DCC: variants seen among roughly 807,000 people sequenced by gnomAD.
The protein encoded by DCC is DCC netrin 1 receptor.
DCC carries 58 observed loss-of-function variants against 172.5 expected under a neutral mutation model. That is an observed-to-expected ratio of 0.34 (90% CI 0.27 to 0.42). DCC has a LOEUF of 0.42. Among genes scored for constraint, DCC ranks in the 10% least tolerant of loss-of-function variants. The pLI is 1.00. For missense variants in DCC, 1,740 were observed against 1,791.0 expected (o/e 0.97, Z 0.51); for synonymous variants, 709 against 644.5 (o/e 1.10, Z -1.52).
At chr18:52,883,977 A>G (rs370721974) in intron 2 of DCC, among the ~76,000 whole-genome samples, 1 of 151,560 alleles carries the variant, frequency 6.6e-6, no homozygotes, top group East Asian at 1.9e-4. Context: ...TGGATATATC[A>G]TTCTAGGGTA....
chr18:52,464,235 T>A (rs1231160939), intron 1 of DCC, among the ~76,000 whole-genome samples: 1 of 152,182 alleles, frequency 6.6e-6, no homozygotes, highest in Non-Finnish European at 1.5e-5. Context: ...AACACTTTCT[T>A]ATATATACTC....
chr18:52,623,562 T>G (rs1598965074), intron 1 of DCC, among the ~76,000 whole-genome samples: 1 of 152,330 alleles, frequency 6.6e-6, no homozygotes, highest in East Asian at 1.9e-4. Context: ...CAACCATGTT[T>G]TCTTACGTGG....
At chr18:52,355,518 T>A (rs1433260500) in intron 1 of DCC, among the ~76,000 whole-genome samples, 2 of 152,236 alleles carry the variant, frequency 1.3e-5, no homozygotes, top group Admixed American at 1.3e-4. Flanking sequence ...TTGAAAAACA[T>A]TACACTCAAG....
intron 7 of DCC, among the ~76,000 whole-genome samples, chr18:53,078,121 C>T (rs2042747288): frequency 6.6e-6 from 1 of 152,022 alleles, no homozygotes; most frequent in Admixed American, 6.6e-5. Flanking sequence ...ATCGAGTACC[C>T]AGAAATATAT....
chr18:53,147,966 C>T (rs1438015424), intron 7 of DCC, among the ~76,000 whole-genome samples: 1 of 152,096 alleles, frequency 6.6e-6, no homozygotes, highest in Non-Finnish European at 1.5e-5. Flanking sequence ...GTAGCTTAAA[C>T]CTTTAGTTCT....
intron 1 of DCC, among the ~76,000 whole-genome samples, chr18:52,654,605 A>G (rs2035209657): frequency 6.6e-6 from 1 of 152,150 alleles, no homozygotes; most frequent in Admixed American, 6.6e-5. Context: ...CTTCTTCTAA[A>G]GACACTGGAA....
chr18:52,642,911 C>T (rs927303469), intron 1 of DCC, among the ~76,000 whole-genome samples: 4 of 152,136 alleles, frequency 2.6e-5, no homozygotes, highest in Non-Finnish European at 4.4e-5. Context: ...CCTTGGTCTC[C>T]CAAAGTGCTG....
rs1202822918 is a variant in DCC, at chr18:52,824,203, GT to G, written c.412+71836del. Among the ~76,000 whole-genome samples the G allele has an allele frequency of 3.9e-5, 6 of 152,216 alleles. No individual in the cohort carries two copies. The East Asian group carries it at 1.2e-3, about 29-fold the overall frequency. ...GGTTTTCAATAAAGGGGAAAGTGATGTTTTTTTCTTCAACTTAGTTCCAGTA... is the reference window on the plus strand; with the variant it reads ...GGTTTTCAATAAAGGGGAAAGTGATGTTTTTTCTTCAACTTAGTTCCAGTA... On this transcript the variant is annotated intron_variant, in intron 2 of 28. Transcript: ENST00000442544.
rs536591103 is a variant in DCC at position 52,947,531 on chromosome 18, AACTG to A, written c.985+22164_985+22167del. ...ATGTTTCTATAAACTTTTTCAATGT[AACTG>A]ACCTCATTACACTCTGCGAAGGTGT... On this transcript the variant is annotated intron_variant, in intron 5 of 28. Coordinates refer to ENST00000442544, the MANE Select transcript of DCC (RefSeq NM_005215.4). 7.3e-4 allele frequency among the ~76,000 whole-genome samples: 111 copies of A among 152,364 alleles called. 1 individual carries two copies. The highest frequency in any genetic ancestry group is 2.5e-3 in the African/African-American group (104 of 41,592).
intron 15 of DCC, among the ~76,000 whole-genome samples, chr18:53,351,369 GTATATATATATACAGTA>G (rs2057800895): frequency 3.1e-5 from 1 of 32,382 alleles, no homozygotes; most frequent in Admixed American, 4.5e-4. Context: ...TATATATACT[GTATATATATATACAGTA>G]TATATATATA....
intron 1 of DCC, among the ~76,000 whole-genome samples, chr18:52,650,028 G>A (rs915731604): frequency 2.8e-5 from 4 of 144,106 alleles, no homozygotes; most frequent in African/African-American, 1.0e-4. Context: ...GCCCAGGCTG[G>A]AGTGCAATGG....
intron 1 of DCC, among the ~76,000 whole-genome samples, chr18:52,497,250 G>T (rs1325398507): frequency 7.2e-5 from 6 of 83,184 alleles, no homozygotes; most frequent in African/African-American, 2.8e-4. Flanking sequence ...AACAGAGTGA[G>T]ACCCTGTATC....
intron 15 of DCC, among the ~76,000 whole-genome samples, chr18:53,382,779 GC>G (rs1259390583): frequency 2.0e-5 from 3 of 151,990 alleles, no homozygotes; most frequent in Admixed American, 6.6e-5. Flanking sequence ...CTGAATAGAA[GC>G]CCTTTGACTA....
chr18:52,722,243 T>A (rs1239667421), intron 1 of DCC, among the ~76,000 whole-genome samples: 4 of 152,124 alleles, frequency 2.6e-5, no homozygotes, highest in Admixed American at 2.6e-4. Context: ...ATTAGGGAAT[T>A]GTGCTCTATA....
At chr18:53,173,254 C>A (rs2055040096) in intron 8 of DCC, among the ~76,000 whole-genome samples, 3 of 152,112 alleles carry the variant, frequency 2.0e-5, no homozygotes, top group African/African-American at 2.4e-5. Flanking sequence ...CTCATCCAGA[C>A]CCCTACTCTC....
intron 1 of DCC, among the ~76,000 whole-genome samples, chr18:52,416,992 A>AT (rs1367523002): frequency 1.8e-4 from 28 of 151,998 alleles, no homozygotes; most frequent in Non-Finnish European, 3.1e-4. Context: ...ATTTGGCATG[A>AT]TTTTGCAGTG....
At position 53,396,375 on chromosome 18, in the gene DCC, G is replaced by A. The variant is rs532979457; in HGVS notation, c.2689-933G>A. 3.9e-5 allele frequency among the ~76,000 whole-genome samples: 6 copies of A among 151,938 alleles called. No individual in the cohort carries two copies. In the East Asian group the frequency reaches 5.8e-4, roughly 15 times the overall value. Reference sequence around the variant, plus strand: ...GCATCATGTTTTTTCTTTATTACCCGTTTTGGTATTTTGAGTAAGCAATAA... The same window carrying A: ...GCATCATGTTTTTTCTTTATTACCCATTTTGGTATTTTGAGTAAGCAATAA... On this transcript the variant is annotated intron_variant, in intron 17 of 28. Transcript: ENST00000442544.
At chr18:53,289,566 C>A (rs2056976888) in intron 12 of DCC, among the ~76,000 whole-genome samples, 1 of 152,012 alleles carries the variant, frequency 6.6e-6, no homozygotes, top group Non-Finnish European at 1.5e-5. Context: ...TGTTTCAGCA[C>A]CATGCCTGGA....
chr18:52,378,236 A>G (rs1033729441), intron 1 of DCC, among the ~76,000 whole-genome samples: 9 of 152,118 alleles, frequency 5.9e-5, no homozygotes, highest in African/African-American at 2.2e-4. Flanking sequence ...CCCAATGGAA[A>G]TAATTAACTG....
Sources: gnomAD v4.1 joint callset for allele counts (sites outside exome capture counted in the v4.1 genomes callset) on GRCh38, gnomAD v4.1.1 for gene constraint, MANE v1.5 for transcripts, NCBI Gene and HGNC (gene_info 2026-07-23, HGNC 2026-07-21) for gene names.